RYK: variants seen among roughly 807,000 people sequenced by gnomAD.
RYK encodes the protein inactive tyrosine-protein kinase RYK.
A neutral mutation model predicts 70.2 loss-of-function variants in RYK; 21 were observed. The observed-to-expected ratio is 0.30, with a 90% confidence interval of 0.21 to 0.43. The LOEUF is 0.43. Among genes scored for constraint, RYK ranks in the 20% least tolerant of loss-of-function variants. RYK has a pLI of 1.00. For missense variants in RYK, 604 were observed against 753.3 expected (o/e 0.80, Z 2.32); for synonymous variants, 267 against 278.0 (o/e 0.96, Z 0.39).
At chr3:134,194,339 A>G (rs2013746596) in intron 7 of RYK, among the ~76,000 whole-genome samples, 1 of 152,178 alleles carries the variant, frequency 6.6e-6, no homozygotes, top group African/African-American at 2.4e-5. Flanking sequence ...GTTTTAATTC[A>G]TTATAGTCAT....
chr3:134,194,430 T>G (rs773732129), intron 7 of RYK, among the ~76,000 whole-genome samples: 2 of 152,182 alleles, frequency 1.3e-5, no homozygotes, highest in African/African-American at 4.8e-5. Context: ...GATATCTGAC[T>G]CAGCAACATG....
intron 6 of RYK, among the ~76,000 whole-genome samples, chr3:134,200,089 G>A (rs2013951314): frequency 6.6e-6 from 1 of 152,004 alleles, no homozygotes; most frequent in Non-Finnish European, 1.5e-5. Flanking sequence ...CAGGATGTGG[G>A]TGGGGCCAAA....
intron 2 of RYK, among the ~76,000 whole-genome samples, chr3:134,222,054 C>A (rs895173492): frequency 1.3e-5 from 2 of 152,110 alleles, no homozygotes; most frequent in Non-Finnish European, 2.9e-5. Flanking sequence ...GTCTAAAAAG[C>A]CTATCTTACC....
intron 1 of RYK, among the ~76,000 whole-genome samples, chr3:134,228,466 A>G (rs936724979): frequency 6.6e-6 from 1 of 152,266 alleles, no homozygotes; most frequent in Non-Finnish European, 1.5e-5. Context: ...GAATGAATGC[A>G]TAAAGAAAAT....
chr3:134,246,303 T>TAC lies in RYK; in HGVS notation c.232+4118_232+4119dup, dbSNP rs71139521. 4.1e-3 allele frequency among the ~76,000 whole-genome samples: 363 copies of TAC among 89,172 alleles called. 1 individual carries two copies. Among genetic ancestry groups the TAC allele is most frequent in the African/African-American group, 8.5e-3 (214 of 25,192 alleles). The allele number at this position is 89,172 out of a possible 152,430, so 58.5% of individuals were successfully genotyped here. ...AACCAACAGACATCTCAGAAAGAAA[T>TAC]ACACACACACACACACACACACACA... On this transcript the variant is annotated intron_variant, in intron 1 of 14. Coordinates refer to ENST00000623711, the MANE Select transcript of RYK (RefSeq NM_002958.4).
chr3:134,181,162 A>G (rs2013281456), intron 10 of RYK: 1 of 152,220 alleles, frequency 6.6e-6, no homozygotes, highest in African/African-American at 2.4e-5. Context: ...GGGTAAGAAC[A>G]TTGGCTAGGT....
At chr3:134,182,765 A>T (rs1057054648) in intron 10 of RYK, among the ~76,000 whole-genome samples, 1 of 152,212 alleles carries the variant, frequency 6.6e-6, no homozygotes, top group African/African-American at 2.4e-5. Flanking sequence ...GATCAGCTAG[A>T]TTAGCTATGA....
chr3:134,227,098 T>C (rs1482144066), intron 1 of RYK, among the ~76,000 whole-genome samples: 3 of 152,156 alleles, frequency 2.0e-5, no homozygotes, highest in Non-Finnish European at 2.9e-5. Flanking sequence ...GGTCTCAGAA[T>C]ACAAAGCCAA....
chr3:134,158,076 A>G lies in RYK; in HGVS notation c.*77T>C. 1 of 675,266 alleles carries G rather than the reference A, an allele frequency of 1.5e-6. No individual in the cohort carries two copies. Among genetic ancestry groups the G allele is most frequent in the Non-Finnish European group, 2.2e-6 (1 of 449,856 alleles). The allele number at this position is 675,266 out of a possible 1,614,324, so 41.8% of individuals were successfully genotyped here. ...TGTGCTTCTGTTGGCGTTGTGTTAG[A>G]TACAAAGCATCCCTGACAGGCTTCA... On this transcript the variant is annotated 3_prime_UTR_variant, in exon 15 of 15. Transcript: ENST00000623711.
chr3:134,222,350 C>G, intron 2 of RYK, 68 bp downstream of exon 2: 1 of 1,580,332 alleles, frequency 6.3e-7, no homozygotes, highest in South Asian at 1.1e-5. Flanking sequence ...GCCCAGTCCT[C>G]AAACACAGCC....
chr3:134,188,752 T>C lies in RYK; in HGVS notation c.1102+85A>G, dbSNP rs148001215. 524 of 783,494 alleles carry C rather than the reference T, an allele frequency of 6.7e-4. 2 individuals carry two copies. The African/African-American group carries it at 7.8e-3, about 12-fold the overall frequency. The allele number at this position is 783,494 out of a possible 1,614,324, so 48.5% of individuals were successfully genotyped here. On this transcript the variant is annotated intron_variant, in intron 9 of 14. Coordinates refer to ENST00000623711, the MANE Select transcript of RYK (RefSeq NM_002958.4). ...ACTGATTTAAAAGGTCTGGCACACA[T>C]TGGGAAACTGAGACAGAATTTTGCT...
At chr3:134,196,456 T>C (rs748826515) in intron 6 of RYK, among the ~76,000 whole-genome samples, 2 of 152,090 alleles carry the variant, frequency 1.3e-5, no homozygotes, top group Non-Finnish European at 2.9e-5. Flanking sequence ...AAAAAATACA[T>C]AATAAAGCTG....
intron 13 of RYK, among the ~76,000 whole-genome samples, chr3:134,160,949 C>T (rs2012448291): frequency 6.6e-6 from 1 of 152,054 alleles, no homozygotes; most frequent in Admixed American, 6.6e-5. Context: ...GTTTTTCAGA[C>T]AAATAAAAGC....
intron 13 of RYK, chr3:134,170,941 GGA>G (rs2012879060): frequency 6.3e-6 from 1 of 158,740 alleles, no homozygotes; most frequent in Non-Finnish European, 1.4e-5. Context: ...CAAAGCTGAA[GGA>G]GAAGTATGAG....
intron 13 of RYK, among the ~76,000 whole-genome samples, chr3:134,162,952 C>T (rs1444039495): frequency 1.3e-5 from 2 of 152,162 alleles, no homozygotes; most frequent in African/African-American, 4.8e-5. Flanking sequence ...TAACCCCATC[C>T]ACTGACATTA....
At chr3:134,240,215 T>C (rs536142858) in intron 1 of RYK, among the ~76,000 whole-genome samples, 1 of 152,284 alleles carries the variant, frequency 6.6e-6, no homozygotes, top group South Asian at 2.1e-4. Context: ...TTTATGAAAT[T>C]ATGTCTAGAT....
In RYK at chr3:134,158,330, T is replaced by C; in HGVS notation, c.1713-66A>G. On this transcript the variant is annotated intron_variant, in intron 14 of 14. Transcript: ENST00000623711. ...ACAGTATTCATAACTTTTGCTCAGTTTGATGCCAGTTATGTTGCCTGTCTA... is the reference window on the plus strand; with the variant it reads ...ACAGTATTCATAACTTTTGCTCAGTCTGATGCCAGTTATGTTGCCTGTCTA... 5.4e-6 allele frequency: 5 copies of C among 918,592 alleles called. No individual in the cohort carries two copies. The East Asian group carries it at 1.5e-4, about 27-fold the overall frequency. The allele number at this position is 918,592 out of a possible 1,614,324, so 56.9% of individuals were successfully genotyped here.
At chr3:134,188,675 A>G (rs990564913) in intron 9 of RYK, among the ~76,000 whole-genome samples, 162 bp downstream of exon 9, 14 of 152,232 alleles carry the variant, frequency 9.2e-5, no homozygotes, top group Non-Finnish European at 7.3e-5. Context: ...CAAATTTCCA[A>G]AACAATTAGG....
intron 1 of RYK, among the ~76,000 whole-genome samples, chr3:134,249,246 TAA>T (rs2015545026): frequency 6.6e-6 from 1 of 152,160 alleles, no homozygotes; most frequent in Non-Finnish European, 1.5e-5. Flanking sequence ...CACGACTTCA[TAA>T]AAAGAGCATT....
Sources: allele counts gnomAD v4.1 joint callset (sites outside exome capture counted in the v4.1 genomes callset), GRCh38; gene constraint gnomAD v4.1.1; transcripts MANE v1.5; gene names NCBI Gene and HGNC (gene_info 2026-07-23, HGNC 2026-07-21).